The following FBXL18 variants were observed in gnomAD, a reference collection of about 807,000 sequenced individuals.
FBXL18 encodes the protein F-box/LRR-repeat protein 18.
In FBXL18, 36 loss-of-function variants were observed where a neutral mutation model predicts 46.0. That is an observed-to-expected ratio of 0.78 (90% CI 0.60 to 1.03). FBXL18 has a LOEUF of 1.03. Ranked by LOEUF, FBXL18 falls within the 50% of genes least tolerant of loss-of-function variation. FBXL18 has a pLI of 0.00. For missense variants in FBXL18, 977 were observed against 1,004.1 expected (o/e 0.97, Z 0.36); for synonymous variants, 557 against 465.3 (o/e 1.20, Z -2.54).
chr7:5,510,916 G>A (rs546985383), intron 1 of FBXL18, among the ~76,000 whole-genome samples: 1 of 152,250 alleles, frequency 6.6e-6, no homozygotes, highest in East Asian at 1.9e-4. Context: ...AGGCACACTA[G>A]GAACCACCGG....
chr7:5,501,395 G>A lies in FBXL18; in HGVS notation c.874C>T (p.Leu292=). Residue 292 remains leucine, a synonymous_variant, in exon 3 of 5, where the codon CTG becomes TTG. Coordinates refer to ENST00000382368, the MANE Select transcript of FBXL18 (RefSeq NM_024963.6). ...LLDSMARNVV[L]DALQLPKSWL... ...GACTTGGGCAGCTGCAGGGCATCCA[G>A]CACGACATTGCGCGCCATGGAGTCC... The A allele has an allele frequency of 6.2e-7, 1 of 1,613,870 alleles. No homozygotes were observed. The highest frequency in any genetic ancestry group is 8.5e-7 in the Non-Finnish European group (1 of 1,180,016).
At chr7:5,505,153 C>T (rs1044099444) in intron 2 of FBXL18, among the ~76,000 whole-genome samples, 1 of 151,864 alleles carries the variant, frequency 6.6e-6, no homozygotes, top group African/African-American at 2.4e-5. Context: ...CAACCCCTCT[C>T]CCCCACTCCC....
At chr7:5,492,731 G>T (rs1163552276) in intron 3 of FBXL18, among the ~76,000 whole-genome samples, 1 of 152,110 alleles carries the variant, frequency 6.6e-6, no homozygotes, top group Non-Finnish European at 1.5e-5. Context: ...GACACAGACA[G>T]AAGGCGGCCA....
chr7:5,475,359 CTG>C (rs1342848323), downstream of FBXL18, among the ~76,000 whole-genome samples: 1 of 152,138 alleles, frequency 6.6e-6, no homozygotes, highest in Non-Finnish European at 1.5e-5. The surrounding 1 kb of genome is among the most constrained non-coding windows in gnomAD (Gnocchi z 4.2). Flanking sequence ...AATGCTGAGG[CTG>C]TTTCCACAGC....
chr7:5,473,324 C>T (rs1783458272), downstream of FBXL18, among the ~76,000 whole-genome samples: 1 of 152,154 alleles, frequency 6.6e-6, no homozygotes, highest in Admixed American at 6.5e-5. Flanking sequence ...CCCTGGAGCC[C>T]ACCCTCTGCC....
chr7:5,498,843 G>GA (rs1373742239), intron 3 of FBXL18, among the ~76,000 whole-genome samples: 3 of 152,216 alleles, frequency 2.0e-5, no homozygotes, highest in African/African-American at 7.2e-5. Flanking sequence ...AAACTGCTGG[G>GA]ATTACAGGAG....
At chr7:5,471,021 G>A (rs1417225231), downstream of FBXL18, among the ~76,000 whole-genome samples, 3 of 152,136 alleles carry the variant, frequency 2.0e-5, no homozygotes, top group African/African-American at 7.2e-5. Context: ...GTGACTGTGC[G>A]ACACGCTAAC....
At chr7:5,492,729 C>G (rs531576124) in intron 3 of FBXL18, among the ~76,000 whole-genome samples, 1 of 152,088 alleles carries the variant, frequency 6.6e-6, no homozygotes, top group Admixed American at 6.6e-5. Flanking sequence ...CAGACACAGA[C>G]AGAAGGCGGC....
At chr7:5,466,069 C>T (rs989449202) in intron 4 of FBXL18, among the ~76,000 whole-genome samples, 7 of 151,804 alleles carry the variant, frequency 4.6e-5, no homozygotes, top group Non-Finnish European at 8.8e-5. Context: ...CTGCCTGCCT[C>T]GGCCTCCCAA....
chr7:5,498,682 T>C (rs543539263), intron 3 of FBXL18, among the ~76,000 whole-genome samples: 114 of 152,350 alleles, frequency 7.5e-4, no homozygotes, highest in African/African-American at 2.7e-3. Context: ...GCAATTCTCC[T>C]GCCTCAGCCT....
chr7:5,463,717 T>TATATATATA (rs1419053864), intron 4 of FBXL18, among the ~76,000 whole-genome samples: 9 of 71,736 alleles, frequency 1.3e-4, no homozygotes, highest in Admixed American at 1.8e-4. Flanking sequence ...TATTTATTTA[T>TATATATATA]TTATTTATTT....
At position 5,480,248 on chromosome 7, in the gene FBXL18, A is replaced by C. The variant is rs1453811336; in HGVS notation, c.*1527T>G. 6.6e-6 allele frequency among the ~76,000 whole-genome samples: 1 copy of C among 152,088 alleles called. No homozygotes were observed. Among genetic ancestry groups the C allele is most frequent in the African/African-American group, 2.4e-5 (1 of 41,400 alleles). On this transcript the variant is annotated 3_prime_UTR_variant, in exon 5 of 5. Coordinates refer to ENST00000382368, the MANE Select transcript of FBXL18 (RefSeq NM_024963.6). ...AGGCGGGCTGGACAAGGGGCCCTTC[A>C]CCAAGAGCGGCCAGGGCGGCGGTCC...
At chr7:5,504,980 A>T (rs1002765142) in intron 2 of FBXL18, among the ~76,000 whole-genome samples, 2 of 148,418 alleles carry the variant, frequency 1.3e-5, no homozygotes, top group Non-Finnish European at 3.0e-5. Flanking sequence ...AACTGACAGT[A>T]CCAAGTGTTG....
At position 5,501,088 on chromosome 7, in the gene FBXL18, T is replaced by C. The variant is rs1391976428; in HGVS notation, c.1181A>G (p.His394Arg). 1 of 1,611,914 alleles carries C rather than the reference T, an allele frequency of 6.2e-7. No individual in the cohort carries two copies. The highest frequency in any genetic ancestry group is 1.3e-5 in the African/African-American group (1 of 74,902). ...GCCCAGGCCCTCCGAGCTGTGGTGGTGGGCGGCCGAGAGGTTCAGGTGGCG... is the reference window on the plus strand; with the variant it reads ...GCCCAGGCCCTCCGAGCTGTGGTGGCGGGCGGCCGAGAGGTTCAGGTGGCG... Reference protein sequence around the residue: ...NLRHLNLSAAHHHSSEGLGRH... With the variant: ...NLRHLNLSAARHHSSEGLGRH... Residue 394 changes from histidine (H) to arginine (R), a missense_variant, in exon 3 of 5, where the codon CAC becomes CGC. Coordinates refer to ENST00000382368, the MANE Select transcript of FBXL18 (RefSeq NM_024963.6).
downstream of FBXL18, among the ~76,000 whole-genome samples, chr7:5,471,173 C>G (rs567412647): frequency 1.3e-5 from 2 of 152,318 alleles, no homozygotes; most frequent in African/African-American, 4.8e-5. Context: ...GTTCAACGCC[C>G]GCAATAAATC....
intron 4 of FBXL18, among the ~76,000 whole-genome samples, chr7:5,468,278 G>A (rs1364173765): frequency 1.3e-5 from 2 of 149,430 alleles, no homozygotes; most frequent in East Asian, 2.0e-4. Flanking sequence ...CCACTGCGCC[G>A]AGCCCTGTTT....
intron 4 of FBXL18, among the ~76,000 whole-genome samples, chr7:5,487,337 G>A (rs1311267117): frequency 6.6e-6 from 1 of 152,256 alleles, no homozygotes. Flanking sequence ...CTGACTGCCA[G>A]CAGGGTGGGA....
At chr7:5,463,158 T>G (rs1176087769) in intron 4 of FBXL18, among the ~76,000 whole-genome samples, 1 of 150,826 alleles carries the variant, frequency 6.6e-6, no homozygotes, top group Non-Finnish European at 1.5e-5. Flanking sequence ...CAGCAAGTGT[T>G]GGCAAGCACA....
intron 1 of FBXL18, among the ~76,000 whole-genome samples, chr7:5,512,539 G>A (rs1272906497): frequency 6.6e-6 from 1 of 152,006 alleles, no homozygotes; most frequent in Non-Finnish European, 1.5e-5. Context: ...GCTTGAGCAG[G>A]GGAGGCGGAG....
Sources: gnomAD v4.1 joint callset for allele counts (sites outside exome capture counted in the v4.1 genomes callset) on GRCh38, gnomAD v4.1.1 for gene constraint, Gnocchi (gnomAD v3.1) non-coding constraint, MANE v1.5 for transcripts, NCBI Gene and HGNC (gene_info 2026-07-23, HGNC 2026-07-21) for gene names.